MXRA7: variants seen among roughly 807,000 people sequenced by gnomAD.
MXRA7 encodes matrix-remodeling-associated protein 7.
Under a neutral mutation model 17.4 loss-of-function variants are expected in MXRA7, and 18 were observed. That is an observed-to-expected ratio of 1.03 (90% CI 0.71 to 1.53). MXRA7 has a LOEUF of 1.53. Among genes scored for constraint, MXRA7 ranks in the 40% most tolerant of loss-of-function variants. The pLI is 0.00. For synonymous variants in MXRA7, 70 were observed against 101.7 expected (o/e 0.69, Z 1.87); for missense variants, 141 against 209.3 (o/e 0.67, Z 2.01).
intron 1 of MXRA7, among the ~76,000 whole-genome samples, chr17:76,692,207 T>C (rs1417143627): frequency 7.7e-6 from 1 of 129,672 alleles, no homozygotes; most frequent in African/African-American, 2.6e-5. Flanking sequence ...AGTAAGACCC[T>C]GTCACCAAAA....
chr17:76,698,598 CAA>C lies in MXRA7; in HGVS notation c.343-10424_343-10423del, dbSNP rs1598355334. 2.0e-5 allele frequency among the ~76,000 whole-genome samples: 3 copies of C among 152,244 alleles called. No homozygotes were observed. In the East Asian group the frequency reaches 5.8e-4, roughly 29 times the overall value. On this transcript the variant is annotated intron_variant, in intron 1 of 3. Coordinates refer to ENST00000449428, the MANE Select transcript of MXRA7 (RefSeq NM_198530.4). ...AACTTCTGTCCAGAACCTAGTAACC[CAA>C]GTCTCAAACTGTCCCCCTCTCACTT...
downstream of MXRA7, chr17:76,677,084 G>A (rs2076246313): frequency 6.5e-6 from 1 of 153,808 alleles, no homozygotes; most frequent in Non-Finnish European, 1.4e-5. Context: ...CCTGAGGTCA[G>A]GAGTTCGAGA....
At chr17:76,709,196 GGACT>G (rs1290866328) in intron 1 of MXRA7, among the ~76,000 whole-genome samples, 1 of 152,206 alleles carries the variant, frequency 6.6e-6, no homozygotes, top group Non-Finnish European at 1.5e-5. Flanking sequence ...TGTAAGGCCA[GGACT>G]GACTGAGTGT....
exon 4 of MXRA7, chr17:76,673,734 AGAGAGGGGTACT>A (rs1041992844): frequency 1.3e-5 from 2 of 152,014 alleles, no homozygotes; most frequent in African/African-American, 4.8e-5. Context: ...CAGCCACGGC[AGAGAGGGGTACT>A]GGGAGTTGAT....
chr17:76,709,090 C>T (rs1404192968), intron 1 of MXRA7, among the ~76,000 whole-genome samples: 1 of 152,130 alleles, frequency 6.6e-6, no homozygotes, highest in Non-Finnish European at 1.5e-5. Context: ...GTTCTTTAAG[C>T]GCTGTGCCCC....
chr17:76,706,409 G>A (rs1264326740), intron 1 of MXRA7, among the ~76,000 whole-genome samples: 1 of 150,450 alleles, frequency 6.6e-6, no homozygotes, highest in Non-Finnish European at 1.5e-5. Flanking sequence ...CCGTCACAGA[G>A]GCCCACACTG....
intron 1 of MXRA7, chr17:76,688,575 A>G (rs1297704610): frequency 2.6e-5 from 33 of 1,258,344 alleles, no homozygotes; most frequent in Non-Finnish European, 3.3e-5. Flanking sequence ...AGGGCCAGGC[A>G]GCATGGCCAT....
rs1015053336 is a variant in MXRA7 at position 76,681,215 on chromosome 17, T to G, written c.501-336A>C. On this transcript the variant is annotated intron_variant, in intron 3 of 3. Coordinates refer to ENST00000449428, the MANE Select transcript of MXRA7 (RefSeq NM_198530.4). This position sits in a 1 kb window ranked among gnomAD's most constrained non-coding sequence, Gnocchi z 4.7. ...CCTTTCTGATCTTGGGTTGTGTGGT[T>G]GTGCTGACAATATTCCTATCACCCT... Among the ~76,000 whole-genome samples the G allele has an allele frequency of 2.0e-5, 3 of 152,202 alleles. No individual in the cohort carries two copies. Among genetic ancestry groups the G allele is most frequent in the African/African-American group, 7.2e-5 (3 of 41,456 alleles).
intron 1 of MXRA7, among the ~76,000 whole-genome samples, chr17:76,697,920 G>C (rs2143655644): frequency 6.6e-6 from 1 of 151,040 alleles, no homozygotes. Context: ...AGAAGAGAGG[G>C]ATAGATAAGG....
rs564647225 is a variant in MXRA7 at position 76,682,813 on chromosome 17, A to G, written c.501-1934T>C. On this transcript the variant is annotated intron_variant, in intron 3 of 3. Coordinates refer to ENST00000449428, the MANE Select transcript of MXRA7 (RefSeq NM_198530.4). ...GCCCCTCCTTCTCAATTCAGGGCAC[A>G]AAGTGGTAACTGCAGCATGCAGAGG... Among the ~76,000 whole-genome samples the G allele has an allele frequency of 2.0e-3, 302 of 152,258 alleles. 2 individuals are homozygous for G. The highest frequency in any genetic ancestry group is 7.1e-3 in the African/African-American group (294 of 41,544).
rs1404858307 is a variant in MXRA7 at position 76,681,663 on chromosome 17, T to C, written c.501-784A>G. On this transcript the variant is annotated intron_variant, in intron 3 of 3. Coordinates refer to ENST00000449428, the MANE Select transcript of MXRA7 (RefSeq NM_198530.4). The surrounding 1 kb of genome is among the most constrained non-coding windows in gnomAD (Gnocchi z 4.7). ...TCAAATGGAGGGGTGGGTCCTGATC[T>C]ATCAGAGCCAGCCCAGTCTATAGCC... Among the ~76,000 whole-genome samples, 3 of 152,164 alleles carry C rather than the reference T, an allele frequency of 2.0e-5. No individual in the cohort carries two copies. The highest frequency in any genetic ancestry group is 7.2e-5 in the African/African-American group (3 of 41,432).
chr17:76,684,139 G>A (rs1007417179), intron 3 of MXRA7, among the ~76,000 whole-genome samples: 10 of 152,148 alleles, frequency 6.6e-5, no homozygotes, highest in Admixed American at 6.5e-5. Context: ...CAGAGCAGCT[G>A]TGAGGTTAGA....
rs2076283473 is a variant in MXRA7, at chr17:76,680,249, A to G, written c.*618T>C. 7 of 970,000 alleles carry G rather than the reference A, an allele frequency of 7.2e-6. No individual in the cohort carries two copies. The highest frequency in any genetic ancestry group is 8.6e-6 in the Non-Finnish European group (7 of 816,316). The allele number at this position is 970,000 out of a possible 1,614,324, so 60.1% of individuals were successfully genotyped here. On this transcript the variant is annotated 3_prime_UTR_variant, in exon 4 of 4. Coordinates refer to ENST00000449428, the MANE Select transcript of MXRA7 (RefSeq NM_198530.4). ...AGGGCTGAATCCGAGATTCCTCTAGATGAAAAATAAGGGGAATGGTCAAGT... is the reference window on the plus strand; with the variant it reads ...AGGGCTGAATCCGAGATTCCTCTAGGTGAAAAATAAGGGGAATGGTCAAGT...
chr17:76,703,170 G>A (rs2076615515), intron 1 of MXRA7, among the ~76,000 whole-genome samples: 1 of 152,070 alleles, frequency 6.6e-6, no homozygotes, highest in Non-Finnish European at 1.5e-5. Flanking sequence ...CAGGCCAGGA[G>A]AAAAACGATG....
At chr17:76,698,729 T>C (rs2143658656) in intron 1 of MXRA7, among the ~76,000 whole-genome samples, 1 of 144,664 alleles carries the variant, frequency 6.9e-6, no homozygotes, top group East Asian at 2.0e-4. Flanking sequence ...TTTTTTTTTT[T>C]TTTTTTTTTT....
chr17:76,706,736 G>A (rs1401792251), intron 1 of MXRA7, among the ~76,000 whole-genome samples: 4 of 152,340 alleles, frequency 2.6e-5, no homozygotes, highest in Admixed American at 1.3e-4. Context: ...CACCTCCAGA[G>A]TGTCTGAAAA....
chr17:76,710,560 G>GAGCCCC (rs1184899196), intron 1 of MXRA7, 45 bp downstream of exon 1: 257 of 1,231,252 alleles, frequency 2.1e-4, no homozygotes, highest in Non-Finnish European at 1.5e-4. Flanking sequence ...GCGGCAGCCG[G>GAGCCCC]AGCCCCGGGG....
At chr17:76,692,317 G>A (rs550174953) in intron 1 of MXRA7, among the ~76,000 whole-genome samples, 45 of 150,880 alleles carry the variant, frequency 3.0e-4, no homozygotes, top group African/African-American at 1.1e-3. Context: ...GCAATGGTAC[G>A]ATCTTGCCTC....
chr17:76,706,170 G>GTCACAGAGGCCCACGCTGCCA (rs1401459453), intron 1 of MXRA7, among the ~76,000 whole-genome samples: 12,606 of 70,940 alleles, frequency 0.18, 3,304 homozygotes, highest in Middle Eastern at 0.44. Context: ...CCACGCTGCC[G>GTCACAGAGGCCCACGCTGCCA]TCACAGAGGC....
Sources: gnomAD v4.1 joint callset for allele counts (sites outside exome capture counted in the v4.1 genomes callset) on GRCh38, gnomAD v4.1.1 for gene constraint, Gnocchi (gnomAD v3.1) non-coding constraint, MANE v1.5 for transcripts, NCBI Gene and HGNC (gene_info 2026-07-23, HGNC 2026-07-21) for gene names.